EVX1: variants seen among roughly 807,000 people sequenced by gnomAD.
EVX1 encodes homeobox even-skipped homolog protein 1.
EVX1 carries 19 observed loss-of-function variants against 28.6 expected under a neutral mutation model. That is an observed-to-expected ratio of 0.67 (90% CI 0.46 to 0.98). The LOEUF is 0.98. EVX1 is among the 50% of genes least tolerant of loss of function. EVX1 has a pLI of 0.00. For missense variants in EVX1, 660 were observed against 583.0 expected (o/e 1.13, Z -1.36); for synonymous variants, 324 against 278.2 (o/e 1.16, Z -1.64).
At position 27,243,163 on chromosome 7, in the gene EVX1, C is replaced by G. The variant is rs1044643048; in HGVS notation, c.133C>G (p.Arg45Gly). The change falls in exon 1 of 3, where the codon CGT (arginine) becomes GGT (glycine). Residue 45 changes from arginine to glycine, a missense_variant. By Grantham distance (125) the Arg-to-Gly change is moderately radical. This residue lies in a region of EVX1 where 308 missense variants were observed against 256.6 expected (regional missense o/e 1.20). Transcript: ENST00000496902. ...LPEPPEKMVP[R>G]GCLSPRAVPP... ...GGAGCCGCCCGAGAAAATGGTGCCCCGTGGTTGCCTGAGCCCTCGGGCCGT... is the reference window on the plus strand; with the variant it reads ...GGAGCCGCCCGAGAAAATGGTGCCCGGTGGTTGCCTGAGCCCTCGGGCCGT... 2 of 1,590,058 alleles carry G rather than the reference C, an allele frequency of 1.3e-6. No homozygotes were observed. The highest frequency in any genetic ancestry group is 2.3e-5 in the East Asian group (1 of 43,846).
Position 27,246,174 on chromosome 7 carries a change from G to T in EVX1, c.973G>T (p.Ala325Ser). 2 of 1,490,452 alleles carry T rather than the reference G, an allele frequency of 1.3e-6. No individual in the cohort carries two copies. Among genetic ancestry groups the T allele is most frequent in the Non-Finnish European group, 1.8e-6 (2 of 1,130,162 alleles). The allele number at this position is 1,490,452 out of a possible 1,614,324, so 92.3% of individuals were successfully genotyped here. Residue 325 changes from alanine (A) to serine (S), a missense_variant, in exon 3 of 3, where the codon GCC becomes TCC. Around this residue, in one of 3 missense-constraint regions of EVX1, gnomAD observed 299 missense variants for 241.3 expected, o/e 1.24. Coordinates refer to ENST00000496902, the MANE Select transcript of EVX1 (RefSeq NM_001989.5). Reference protein sequence around the residue: ...QPYPRPELLCAFRHPPLYPGP... With the variant: ...QPYPRPELLCSFRHPPLYPGP... ...CTACCCGCGGCCCGAACTGCTGTGC[G>T]CCTTCCGCCACCCGCCGCTCTACCC...
In EVX1 at chr7:27,245,980, T is replaced by C. The variant is rs755863735; in HGVS notation, c.779T>C (p.Met260Thr). Reference sequence around the variant, plus strand: ...GACCCCGCCTTCTACACTTACATGATGAGCCATGCGGCGGCCGCGGGCGGC... The same window carrying C: ...GACCCCGCCTTCTACACTTACATGACGAGCCATGCGGCGGCCGCGGGCGGC... ...PADPAFYTYM[M>T]SHAAAAGGLP... The change falls in exon 3 of 3, where the codon ATG (methionine) becomes ACG (threonine). Residue 260 changes from methionine (M) to threonine (T), a missense_variant. Coordinates refer to ENST00000496902, the MANE Select transcript of EVX1 (RefSeq NM_001989.5). 1 of 1,605,700 alleles carries C rather than the reference T, an allele frequency of 6.2e-7. No individual in the cohort carries two copies. Among genetic ancestry groups the C allele is most frequent in the South Asian group, 1.1e-5 (1 of 91,064 alleles).
At chr7:27,244,343 T>A (rs1187721384) in intron 1 of EVX1, 2 of 204,550 alleles carry the variant, frequency 9.8e-6, no homozygotes, top group Non-Finnish European at 8.2e-6. Context: ...TCCACAGAAC[T>A]GTAGGAGTGG....
intron 1 of EVX1, among the ~76,000 whole-genome samples, chr7:27,244,185 C>G (rs950851180): frequency 6.6e-6 from 1 of 152,200 alleles, no homozygotes; most frequent in Admixed American, 6.5e-5. Context: ...ACTGGAGAAC[C>G]CCTCCCCACC....
At position 27,246,018 on chromosome 7, in the gene EVX1, T is replaced by G. The variant is rs1048729773; in HGVS notation, c.817T>G (p.Phe273Val). 2.9e-5 allele frequency: 47 copies of G among 1,599,042 alleles called. No homozygotes were observed. The highest frequency in any genetic ancestry group is 3.8e-5 in the Non-Finnish European group (45 of 1,179,388). The stretch of plus-strand genomic sequence containing the variant: ...GGCCGCGGGCGGCCTGCCCTACCCC[T>G]TCCCATCGCACCTGCCCCTGCCCTA... ...AAAAGGLPYPFPSHLPLPYYS... is the reference protein window; with the variant it reads ...AAAAGGLPYPVPSHLPLPYYS... Residue 273 changes from phenylalanine to valine, a missense_variant, in exon 3 of 3, where the codon TTC becomes GTC. Around this residue, in one of 3 missense-constraint regions of EVX1, gnomAD observed 299 missense variants for 241.3 expected, o/e 1.24. Coordinates refer to ENST00000496902, the MANE Select transcript of EVX1 (RefSeq NM_001989.5).
rs1311720734 is a variant in EVX1, at chr7:27,243,354, G to A, written c.324G>A (p.Gly108=). ...APSVDSLSGQ[G]QPSSSDTESD... ...CAGTCGACAGCCTCTCCGGACAGGG[G>A]CAACCCAGTAGCTCGGACACCGAGT... Residue 108 remains glycine (G), a synonymous_variant, in exon 1 of 3, where the codon GGG becomes GGA. Coordinates refer to ENST00000496902, the MANE Select transcript of EVX1 (RefSeq NM_001989.5). 2 of 1,608,928 alleles carry A rather than the reference G, an allele frequency of 1.2e-6. No homozygotes were observed. Among genetic ancestry groups the A allele is most frequent in the Non-Finnish European group, 1.7e-6 (2 of 1,178,414 alleles).
At chr7:27,243,481 C>T (rs1783084186) in intron 1 of EVX1, 24 bp downstream of exon 1, 1 of 1,549,460 alleles carries the variant, frequency 6.5e-7, no homozygotes, top group South Asian at 1.2e-5. Context: ...CCCTCCGCTC[C>T]CCGGGCCTCC....
In EVX1 at chr7:27,245,573, G is replaced by C. The variant is rs560284746; in HGVS notation, c.684+269G>C. ...GTGACAAGGAAGTTTCTGGGGACAC[G>C]CTCTCTGCGGCCGCAGACCAATTGA... On this transcript the variant is annotated intron_variant, in intron 2 of 2. Transcript: ENST00000496902. Among the ~76,000 whole-genome samples, 3 of 152,298 alleles carry C rather than the reference G, an allele frequency of 2.0e-5. No homozygotes were observed. In the East Asian group the frequency reaches 5.8e-4, roughly 29 times the overall value.
Position 27,245,171 on chromosome 7 carries a change from G to A in EVX1, c.551G>A (p.Arg184His). 1 of 1,613,494 alleles carries A rather than the reference G, an allele frequency of 6.2e-7. No homozygotes were observed. Among genetic ancestry groups the A allele is most frequent in the Non-Finnish European group, 8.5e-7 (1 of 1,180,044 alleles). ...GCGTGCAGCGCCAGTGACCAGATGC[G>A]TCGTTACCGCACCGCCTTCACCCGA... ...TLACSASDQMRRYRTAFTREQ... is the reference protein window; with the variant it reads ...TLACSASDQMHRYRTAFTREQ... Residue 184 changes from arginine (R) to histidine (H), a missense_variant, in exon 2 of 3, where the codon CGT (arginine) becomes CAT (histidine). Around this residue, in one of 3 missense-constraint regions of EVX1, gnomAD observed 53 missense variants for 85.1 expected, o/e 0.62. Transcript: ENST00000496902.
In EVX1 at chr7:27,242,998, G is replaced by T; in HGVS notation, c.-33G>T. 1 of 1,512,316 alleles carries T rather than the reference G, an allele frequency of 6.6e-7. No individual in the cohort carries two copies. The highest frequency in any genetic ancestry group is 8.9e-7 in the Non-Finnish European group (1 of 1,129,660). 93.7% of individuals were successfully genotyped at this position (1,512,316 alleles called of 1,614,324 possible). On this transcript the variant is annotated 5_prime_UTR_variant, in exon 1 of 3. Transcript: ENST00000496902. ...GGAGCCGGGGTTAGGAACTCACTTG[G>T]GGCTTTCCCCTCCCCCACCGGAGAG...
At position 27,246,756 on chromosome 7, in the gene EVX1, A is replaced by C; in HGVS notation, c.*331A>C. ...CAAAACTTAGCAGCAACAGCAACCA[A>C]TATCCAGTCCCTCGGCCCCTCGGCC... On this transcript the variant is annotated 3_prime_UTR_variant, in exon 3 of 3. Coordinates refer to ENST00000496902, the MANE Select transcript of EVX1 (RefSeq NM_001989.5). 3.0e-5 allele frequency: 11 copies of C among 366,856 alleles called. No individual in the cohort carries two copies. Among genetic ancestry groups the C allele is most frequent in the Admixed American group, 5.1e-5 (1 of 19,512 alleles). The allele number at this position is 366,856 out of a possible 1,614,324, so 22.7% of individuals were successfully genotyped here.
In EVX1 at chr7:27,245,087, G is replaced by A. The variant is rs145580913; in HGVS notation, c.467G>A (p.Gly156Glu). 2.5e-6 allele frequency: 4 copies of A among 1,612,706 alleles called. No homozygotes were observed. In the African/African-American group the frequency reaches 4.0e-5, roughly 16 times the overall value. ...GCGCTGGTCGGCAGTCCGAACGGAG[G>A]GAGCGAGACCCCCAAGAGCAACGGC... Reference protein sequence around the residue: ...SEALVGSPNGGSETPKSNGGS... With the variant: ...SEALVGSPNGESETPKSNGGS... The change falls in exon 2 of 3, where the codon GGG (glycine) becomes GAG (glutamate). Residue 156 changes from glycine (G) to glutamate (E), a missense_variant. Gly to Glu is a moderately conservative substitution (Grantham distance 98). Transcript: ENST00000496902.
At position 27,246,275 on chromosome 7, in the gene EVX1, C is replaced by A. The variant is rs1294871278; in HGVS notation, c.1074C>A (p.Asn358Lys). The A allele has an allele frequency of 6.4e-7, 1 of 1,571,600 alleles. No individual in the cohort carries two copies. ...TCGCCTGTCACAGCGGCCCGGCCAA[C>A]GGGCTGGCGCCCCGGGCTGCCGCCG... ...SCLACHSGPANGLAPRAAAAS... is the reference protein window; with the variant it reads ...SCLACHSGPAKGLAPRAAAAS... Residue 358 changes from asparagine to lysine, a missense_variant, in exon 3 of 3, where the codon AAC becomes AAA. By Grantham distance (94) the Asn-to-Lys change is moderately conservative. Around this residue, in one of 3 missense-constraint regions of EVX1, gnomAD observed 299 missense variants for 241.3 expected, o/e 1.24. Transcript: ENST00000496902.
intron 1 of EVX1, among the ~76,000 whole-genome samples, chr7:27,244,147 GAGGT>G: frequency 6.6e-6 from 1 of 152,360 alleles, no homozygotes; most frequent in East Asian, 1.9e-4. Context: ...ACCCTTCTCA[GAGGT>G]AGGCCCAAAG....
chr7:27,245,409 T>A, intron 2 of EVX1, 105 bp downstream of exon 2: 1 of 1,498,866 alleles, frequency 6.7e-7, no homozygotes, highest in Non-Finnish European at 9.1e-7. Flanking sequence ...GGGCCTGGGG[T>A]CTCCCTGCCC....
intron 1 of EVX1, among the ~76,000 whole-genome samples, chr7:27,244,306 A>G (rs1273349418): frequency 6.8e-6 from 1 of 146,574 alleles, no homozygotes; most frequent in African/African-American, 2.7e-5. Context: ...GGGGGGGAGG[A>G]GAGGGGAGCC....
rs1020557905 is a variant in EVX1 at position 27,247,555 on chromosome 7, T to C, written c.*1130T>C. ...TGACTTTCAGATACCAGTGGGAGCC[T>C]TCTGTCCCTTTTGGGGACCCTGTCT... On this transcript the variant is annotated 3_prime_UTR_variant, in exon 3 of 3. Coordinates refer to ENST00000496902, the MANE Select transcript of EVX1 (RefSeq NM_001989.5). 2.0e-5 allele frequency: 3 copies of C among 152,206 alleles called. No homozygotes were observed. Among genetic ancestry groups the C allele is most frequent in the Non-Finnish European group, 4.4e-5 (3 of 68,042 alleles). The allele number at this position is 152,206 out of a possible 1,614,324, so 9.4% of individuals were successfully genotyped here. A position where few individuals can be genotyped will look rare whatever the true frequency, so the allele number is the denominator to read the frequency against.
chr7:27,245,845 G>A (rs753274059), intron 2 of EVX1, 41 bp from the exon 3 acceptor site: 3 of 1,591,954 alleles, frequency 1.9e-6, no homozygotes, highest in Admixed American at 1.7e-5. Flanking sequence ...TGAGCATCGG[G>A]CCAAGTCCAG....
intron 2 of EVX1, 117 bp from the exon 3 acceptor site, chr7:27,245,769 G>A: frequency 7.2e-7 from 1 of 1,393,518 alleles, no homozygotes; most frequent in African/African-American, 1.4e-5. Flanking sequence ...TACCCGGCTG[G>A]TGTCTGCTTT....
Sources: gnomAD v4.1 joint callset for allele counts (sites outside exome capture counted in the v4.1 genomes callset) on GRCh38, gnomAD v4.1.1 for gene constraint, gnomAD v4.1.1 regional missense constraint, MANE v1.5 for transcripts, NCBI Gene and HGNC (gene_info 2026-07-23, HGNC 2026-07-21) for gene names.